Variants in TBX5 observed in about 807,000 individuals in gnomAD.
The protein encoded by TBX5 is T-box transcription factor TBX5.
In TBX5, 8 loss-of-function variants were observed where a neutral mutation model predicts 51.1. That is an observed-to-expected ratio of 0.16 (90% CI 0.09 to 0.28). The LOEUF (loss-of-function observed/expected upper bound fraction) is 0.28, where lower values mean the gene tolerates loss of function less well. Ranked by LOEUF, TBX5 falls within the 10% of genes least tolerant of loss-of-function variation. The pLI is 1.00. For synonymous variants in TBX5, 302 were observed against 266.4 expected, an observed-to-expected ratio of 1.13 and a Z score of -1.30; for missense variants, 589 against 671.7, an observed-to-expected ratio of 0.88 and a Z score of 1.36.
chr12:114,385,331 A>T, intron 7 of TBX5, 145 bp downstream of exon 7: 1 of 750,472 alleles, frequency 1.3e-6, no homozygotes. Context: ...AATGGGACAG[A>T]GGGGGCTCAT....
At chr12:114,358,305 C>T (rs1382909399) in intron 8 of TBX5, among the ~76,000 whole-genome samples, 1 of 152,158 alleles carries the variant, frequency 6.6e-6, no homozygotes, top group Non-Finnish European at 1.5e-5. Context: ...CCCAGTCTAT[C>T]CTACCATGAG....
At position 114,354,243 on chromosome 12, in the gene TBX5, CAAT is replaced by C. The variant is rs1182177639; in HGVS notation, c.*1286_*1288del. On this transcript the variant is annotated 3_prime_UTR_variant, in exon 9 of 9. Transcript: ENST00000405440. Reference sequence around the variant, plus strand: ...AAAACACAAACTTGGTTTTGAGTATCAATAAAATTAAAAGCTCTTGGCCAGCTC... The same window carrying C: ...AAAACACAAACTTGGTTTTGAGTATCAAAATTAAAAGCTCTTGGCCAGCTC... 1.3e-5 allele frequency: 2 copies of C among 152,308 alleles called. No individual in the cohort carries two copies. Among genetic ancestry groups the C allele is most frequent in the African/African-American group, 4.8e-5 (2 of 41,386 alleles). The allele number at this position is 152,308 out of a possible 1,614,324, so 9.4% of individuals were successfully genotyped here.
At chr12:114,407,181 A>G (rs938649712), upstream of TBX5, 1 of 900,960 alleles carries the variant, frequency 1.1e-6, no homozygotes, top group Non-Finnish European at 1.3e-6. Context: ...AAAGTGGAGA[A>G]TCTCCAACCC....
At chr12:114,381,364 G>A (rs971768912) in intron 7 of TBX5, among the ~76,000 whole-genome samples, 3 of 152,166 alleles carry the variant, frequency 2.0e-5, no homozygotes, top group African/African-American at 7.2e-5. Context: ...AAGATTAGCA[G>A]TGAGCCTGCC....
chr12:114,403,742 G>T lies in TBX5; in HGVS notation c.147+10C>A. ...TCTGCAAAGGGACCCGAAGCGCGAGGTCTCCTTACCTGCTGGGTGAAGGCG... is the reference window on the plus strand; with the variant it reads ...TCTGCAAAGGGACCCGAAGCGCGAGTTCTCCTTACCTGCTGGGTGAAGGCG... On this transcript the variant is annotated intron_variant, in intron 2 of 8. Coordinates refer to ENST00000405440, the MANE Select transcript of TBX5 (RefSeq NM_181486.4). 6.2e-7 allele frequency: 1 copy of T among 1,612,710 alleles called. No homozygotes were observed. Among genetic ancestry groups the T allele is most frequent in the Non-Finnish European group, 8.5e-7 (1 of 1,179,896 alleles).
At chr12:114,393,985 G>A (rs1396314951) in intron 6 of TBX5, among the ~76,000 whole-genome samples, 10 of 152,154 alleles carry the variant, frequency 6.6e-5, no homozygotes, top group African/African-American at 1.7e-4. Flanking sequence ...TAAGGATCCC[G>A]GCAACTTTGC....
chr12:114,399,680 G>C (rs1202148395), intron 3 of TBX5, 48 bp from the exon 4 acceptor site: 1 of 1,613,614 alleles, frequency 6.2e-7, no homozygotes, highest in African/African-American at 1.3e-5. Flanking sequence ...ATTAATGCCA[G>C]TATTTTAAGG....
chr12:114,404,059 C>T (rs1211497725), intron 1 of TBX5, 123 bp from the exon 2 acceptor site: 1 of 980,792 alleles, frequency 1.0e-6, no homozygotes, highest in African/African-American at 1.6e-5. Context: ...CAGCTACCAG[C>T]ACCTCCGTTC....
In TBX5 at chr12:114,356,057, C is replaced by T. The variant is rs771408470; in HGVS notation, c.1032G>A (p.Glu344=). The T allele has an allele frequency of 4.3e-6, 7 of 1,613,830 alleles. No individual in the cohort carries two copies. Among genetic ancestry groups the T allele is most frequent in the South Asian group, 1.1e-5 (1 of 91,082 alleles). ...AGGAATCTTCTTCACTGGGTGATGT[C>T]TCCATGTAGGGCTTCTTATAGGGAT... ...TDHPYKKPYM[E]TSPSEEDSFY... The change falls in exon 9 of 9, where the codon GAG becomes GAA. Residue 344 remains glutamate (E), a synonymous_variant. Coordinates refer to ENST00000405440, the MANE Select transcript of TBX5 (RefSeq NM_181486.4).
upstream of TBX5, chr12:114,408,160 G>T: frequency 1.0e-6 from 1 of 985,396 alleles, no homozygotes; most frequent in Non-Finnish European, 1.2e-6. Context: ...GGGCAGCGGC[G>T]GGAGGTAAAT....
At chr12:114,382,669 C>G (rs192309409) in intron 7 of TBX5, among the ~76,000 whole-genome samples, 1 of 152,122 alleles carries the variant, frequency 6.6e-6, no homozygotes, top group Non-Finnish European at 1.5e-5. Flanking sequence ...TGGTGGTGAA[C>G]GCCTGTAATT....
rs1870775497 is a variant in TBX5, at chr12:114,385,694, C to A, written c.664-127G>T. ...TGGCAACCAAAAGAAGCAAATTAAG[C>A]CAGTCACGTCAACGGGACCCACCAC... is the stretch of plus-strand genomic sequence containing the variant. On this transcript the variant is annotated intron_variant, in intron 6 of 8. Transcript: ENST00000405440. 6.4e-6 allele frequency: 5 copies of A among 780,412 alleles called. No homozygotes were observed. In the South Asian group the frequency reaches 7.2e-5, roughly 11 times the overall value. The allele number at this position is 780,412 out of a possible 1,614,324, so 48.3% of individuals were successfully genotyped here.
chr12:114,406,850 ATT>A (rs76878077), upstream of TBX5, among the ~76,000 whole-genome samples: 1 of 146,658 alleles, frequency 6.8e-6, no homozygotes. Flanking sequence ...TCTGAGATGT[ATT>A]TTTTTTTTTT....
chr12:114,367,523 C>T (rs1415295199), intron 7 of TBX5, among the ~76,000 whole-genome samples: 2 of 152,084 alleles, frequency 1.3e-5, no homozygotes, highest in Non-Finnish European at 2.9e-5. Flanking sequence ...ACCAGGTGTT[C>T]CCATTTTTTT....
At chr12:114,379,072 C>A (rs1242245567) in intron 7 of TBX5, among the ~76,000 whole-genome samples, 7 of 152,182 alleles carry the variant, frequency 4.6e-5, no homozygotes, top group Non-Finnish European at 1.0e-4. Flanking sequence ...AAAGCAGCAT[C>A]AACTGTGGGT....
At chr12:114,397,388 G>A (rs1871493045) in intron 5 of TBX5, among the ~76,000 whole-genome samples, 1 of 152,174 alleles carries the variant, frequency 6.6e-6, no homozygotes, top group South Asian at 2.1e-4. Flanking sequence ...CGCCCCCTAG[G>A]CTGCCGTGAG....
At chr12:114,372,006 G>T (rs1869936137) in intron 7 of TBX5, among the ~76,000 whole-genome samples, 1 of 152,128 alleles carries the variant, frequency 6.6e-6, no homozygotes, top group Non-Finnish European at 1.5e-5. Context: ...AGAATAAGGG[G>T]ACACAATGTT....
chr12:114,355,776 C>G lies in TBX5; in HGVS notation c.1313G>C (p.Arg438Pro). 1 of 1,614,086 alleles carries G rather than the reference C, an allele frequency of 6.2e-7. No homozygotes were observed. The highest frequency in any genetic ancestry group is 1.6e-4 in the Middle Eastern group (1 of 6,062). The change falls in exon 9 of 9, where the codon CGG becomes CCG. Residue 438 changes from arginine (R) to proline (P), a missense_variant. By Grantham distance (103) the Arg-to-Pro change is moderately radical (BLOSUM62 -2). Coordinates refer to ENST00000405440, the MANE Select transcript of TBX5 (RefSeq NM_181486.4). ...GCCATGGTTGGCCATGCCAGCCAGC[C>G]GAGGGACCAGGGGCCCCGAGGTGAA... ...AHFTSGPLVP[R>P]LAGMANHGSP... is the part of the protein sequence containing the mutation.
intron 7 of TBX5, among the ~76,000 whole-genome samples, chr12:114,378,348 G>C (rs1290780218): frequency 6.6e-6 from 1 of 152,146 alleles, no homozygotes; most frequent in Non-Finnish European, 1.5e-5. Flanking sequence ...AGTGGAAAGG[G>C]GGTTCTCTCC....
Sources: allele counts gnomAD v4.1 joint callset (sites outside exome capture counted in the v4.1 genomes callset), GRCh38; gene constraint gnomAD v4.1.1; transcripts MANE v1.5; gene names NCBI Gene and HGNC (gene_info 2026-07-23, HGNC 2026-07-21).